The following EVI5 variants were observed in gnomAD, a reference collection of about 807,000 sequenced individuals.
EVI5 encodes ecotropic viral integration site 5.
Under a neutral mutation model 112.0 loss-of-function variants are expected in EVI5, and 73 were observed. The ratio of observed to expected loss-of-function variants is 0.65; its 90% CI spans 0.54 to 0.79. The LOEUF is 0.79. Among genes scored for constraint, EVI5 ranks in the 30% least tolerant of loss-of-function variants. The pLI is 0.00. For synonymous variants in EVI5, 305 were observed against 319.9 expected, an observed-to-expected ratio of 0.95 and a Z score of 0.50; for missense variants, 900 against 968.8, an observed-to-expected ratio of 0.93 and a Z score of 0.94.
chr1:92,668,471 A>G (rs1322850890), intron 10 of EVI5, among the ~76,000 whole-genome samples: 2 of 152,224 alleles, frequency 1.3e-5, no homozygotes, highest in Non-Finnish European at 2.9e-5. Context: ...TTTTATCTTA[A>G]AAGATTTAGA....
At chr1:92,631,086 T>G (rs1244679438) in intron 14 of EVI5, among the ~76,000 whole-genome samples, 1 of 152,166 alleles carries the variant, frequency 6.6e-6, no homozygotes, top group Non-Finnish European at 1.5e-5. Context: ...ACTGTAGCCT[T>G]GTAGTATAGT....
intron 19 of EVI5, among the ~76,000 whole-genome samples, chr1:92,560,577 T>A (rs12081539): frequency 0.025 from 3,735 of 151,548 alleles, 172 homozygotes; most frequent in African/African-American, 0.086. Flanking sequence ...TGAGACAGGG[T>A]CTTGCTTTGA....
intron 13 of EVI5, among the ~76,000 whole-genome samples, chr1:92,643,701 C>A (rs1660418916): frequency 1.3e-5 from 2 of 152,068 alleles, no homozygotes; most frequent in Non-Finnish European, 2.9e-5. Flanking sequence ...TTAAATAATG[C>A]CAATACTCAA....
chr1:92,547,072 T>G (rs1369544490), intron 19 of EVI5, among the ~76,000 whole-genome samples: 4 of 152,178 alleles, frequency 2.6e-5, no homozygotes, highest in Non-Finnish European at 4.4e-5. Context: ...TTCACACTTA[T>G]TCCAAAATTG....
rs1212858041 is a variant in EVI5, at chr1:92,669,544, T to C, written c.1159-3552A>G. ...GCCTGGGCAACGGAGCAAGGCTCTG[T>C]CTCAAAAAAAAAAAAAATCACTGGG... On this transcript the variant is annotated intron_variant, in intron 10 of 19. Transcript: ENST00000684568. Among the ~76,000 whole-genome samples, 8 of 6,624 alleles carry C rather than the reference T, an allele frequency of 1.2e-3. 1 individual carries two copies. The highest frequency in any genetic ancestry group is 0.01 in the Admixed American group (6 of 598). The allele number at this position is 6,624 out of a possible 152,430, so 4.3% of individuals were successfully genotyped here. A position where few individuals can be genotyped will look rare whatever the true frequency, so the allele number is the denominator to read the frequency against.
In EVI5 at chr1:92,605,308, T is replaced by C; in HGVS notation, c.2069A>G (p.Gln690Arg). ...TACTTTATTATTTTCATATGGTACC[T>C]GGATTTCAAGCTCAGCAATGTGTTG... ...LRQHIAELEIQKEEGKLQGQL... is the reference protein window; with the variant it reads ...LRQHIAELEIRKEEGKLQGQL... The change falls in exon 18 of 20, where the codon CAG becomes CGG. Residue 690 changes from glutamine (Q) to arginine (R), a missense_variant and splice_region_variant. Coordinates refer to ENST00000684568, the MANE Select transcript of EVI5 (RefSeq NM_001350197.2). 6.3e-7 allele frequency: 1 copy of C among 1,599,222 alleles called. No individual in the cohort carries two copies. Among genetic ancestry groups the C allele is most frequent in the Non-Finnish European group, 8.6e-7 (1 of 1,166,894 alleles).
chr1:92,605,867 A>C (rs2039453), intron 17 of EVI5, among the ~76,000 whole-genome samples: 140,233 of 152,194 alleles, frequency 0.92, 64,693 homozygotes, highest in East Asian at 0.97. Context: ...AAGCTATAAT[A>C]TTATAATACT....
At chr1:92,768,253 G>A (rs1261891586) in intron 1 of EVI5, among the ~76,000 whole-genome samples, 1 of 152,036 alleles carries the variant, frequency 6.6e-6, no homozygotes, top group Non-Finnish European at 1.5e-5. Context: ...TCTGGGACAA[G>A]TCAATACAAT....
At chr1:92,609,562 T>C (rs1374638999) in intron 16 of EVI5, among the ~76,000 whole-genome samples, 3 of 152,118 alleles carry the variant, frequency 2.0e-5, no homozygotes, top group Non-Finnish European at 4.4e-5. Context: ...TTCATCATGT[T>C]GGCCAGGCTG....
At chr1:92,626,520 C>T (rs1287158209) in intron 14 of EVI5, among the ~76,000 whole-genome samples, 1 of 152,056 alleles carries the variant, frequency 6.6e-6, no homozygotes, top group African/African-American at 2.4e-5. Flanking sequence ...TTAGGCTTTC[C>T]ATGTTCTTAA....
chr1:92,639,634 T>G (rs1385442925), intron 13 of EVI5, among the ~76,000 whole-genome samples: 1 of 152,160 alleles, frequency 6.6e-6, no homozygotes, highest in African/African-American at 2.4e-5. Flanking sequence ...CATGGAACCC[T>G]GTTCTCATCT....
intron 13 of EVI5, chr1:92,647,701 A>G: frequency 3.9e-6 from 1 of 254,342 alleles, no homozygotes; most frequent in Non-Finnish European, 8.0e-6. Flanking sequence ...TGAAGGGGGC[A>G]GGAAGGGTGC....
chr1:92,530,035 GAAT>G (rs1382160913), intron 19 of EVI5, among the ~76,000 whole-genome samples: 6 of 152,116 alleles, frequency 3.9e-5, no homozygotes, highest in African/African-American at 1.4e-4. Flanking sequence ...GAAAAATATG[GAAT>G]AATTGGTAGG....
intron 19 of EVI5, among the ~76,000 whole-genome samples, chr1:92,563,235 C>T (rs4847181): frequency 1.3e-5 from 2 of 152,036 alleles, no homozygotes; most frequent in Non-Finnish European, 2.9e-5. Context: ...CCATCATGAG[C>T]GGTAAAAGAA....
At chr1:92,759,790 A>T (rs1021457812) in intron 1 of EVI5, among the ~76,000 whole-genome samples, 1 of 152,042 alleles carries the variant, frequency 6.6e-6, no homozygotes, top group Admixed American at 6.5e-5. Context: ...TCCATGTTGT[A>T]GCATGTATCA....
At chr1:92,768,282 C>T (rs1682935886) in intron 1 of EVI5, among the ~76,000 whole-genome samples, 1 of 151,756 alleles carries the variant, frequency 6.6e-6, no homozygotes, top group South Asian at 2.1e-4. Flanking sequence ...ATAAGCAAGA[C>T]TAAAGATACA....
intron 1 of EVI5, among the ~76,000 whole-genome samples, chr1:92,783,825 AAGAAAAG>A (rs1413524230): frequency 4.0e-5 from 5 of 126,114 alleles, no homozygotes; most frequent in Non-Finnish European, 9.6e-5. Context: ...AAAAAAAAAA[AAGAAAAG>A]AAAAGAAAAA....
intron 9 of EVI5, among the ~76,000 whole-genome samples, chr1:92,678,911 G>C (rs1667164664): frequency 6.6e-6 from 1 of 152,134 alleles, no homozygotes; most frequent in African/African-American, 2.4e-5. Flanking sequence ...AGAAACTTCT[G>C]TATAGTCACA....
At chr1:92,752,395 G>A (rs35699160) in intron 1 of EVI5, among the ~76,000 whole-genome samples, 27,052 of 151,984 alleles carry the variant, frequency 0.18, 3,144 homozygotes, top group Non-Finnish European at 0.25. Flanking sequence ...GGCTGGTCTC[G>A]AACTCCTGGC....
Sources: gnomAD v4.1 joint callset for allele counts (sites outside exome capture counted in the v4.1 genomes callset) on GRCh38, gnomAD v4.1.1 for gene constraint, MANE v1.5 for transcripts, NCBI Gene and HGNC (gene_info 2026-07-23, HGNC 2026-07-21) for gene names.